Variants in CACNB4 observed in about 807,000 individuals in gnomAD.
CACNB4 encodes the protein calcium voltage-gated channel auxiliary subunit beta 4, also known as voltage-dependent L-type calcium channel subunit beta-4.
Under a neutral mutation model 71.2 loss-of-function variants are expected in CACNB4, and 32 were observed. That is an observed-to-expected ratio of 0.45 (90% CI 0.34 to 0.60). CACNB4 has a LOEUF of 0.60. CACNB4 is among the 20% of genes least tolerant of loss of function. The pLI, the probability that CACNB4 is intolerant of heterozygous loss-of-function variation, is 0.01. For missense variants in CACNB4, 464 were observed against 647.9 expected (o/e 0.72, Z 3.08); for synonymous variants, 231 against 236.9 (o/e 0.97, Z 0.23).
intron 2 of CACNB4, among the ~76,000 whole-genome samples, chr2:152,010,909 G>A (rs535831562): frequency 2.0e-5 from 3 of 152,194 alleles, no homozygotes; most frequent in Non-Finnish European, 4.4e-5. Context: ...TTTCCTGTAA[G>A]AGATGGTGAG....
At chr2:151,882,560 T>C (rs1197579854) in intron 3 of CACNB4, among the ~76,000 whole-genome samples, 1 of 152,148 alleles carries the variant, frequency 6.6e-6, no homozygotes, top group East Asian at 1.9e-4. Flanking sequence ...AAAAGGGTCG[T>C]GCTTCAAAAA....
Position 152,064,582 on chromosome 2 carries a change from C to T in CACNB4, c.147+33748G>A, listed in dbSNP as rs565663010. 1.2e-4 allele frequency among the ~76,000 whole-genome samples: 18 copies of T among 152,164 alleles called. No homozygotes were observed. The South Asian group carries it at 3.7e-3, about 32-fold the overall frequency. On this transcript the variant is annotated intron_variant, in intron 2 of 13. Coordinates refer to ENST00000539935, the MANE Select transcript of CACNB4 (RefSeq NM_000726.5). ...TTTTTTAGTAGAGACAGGGTTTCAC[C>T]ATGTTGGCCAGGCTAGTCTCAAACT...
chr2:152,052,783 C>T lies in CACNB4; in HGVS notation c.147+45547G>A, dbSNP rs567256604. ...TCCCAAGGTCTGGAATTCAAGACTA[C>T]CCTGGCCAACATAGTAAAACCCCAT... On this transcript the variant is annotated intron_variant, in intron 2 of 13. Coordinates refer to ENST00000539935, the MANE Select transcript of CACNB4 (RefSeq NM_000726.5). Among the ~76,000 whole-genome samples the T allele has an allele frequency of 6.6e-5, 10 of 152,002 alleles. No individual in the cohort carries two copies. The East Asian group carries it at 1.9e-3, about 30-fold the overall frequency.
chr2:151,883,176 G>A, intron 3 of CACNB4, 75 bp downstream of exon 3: 1 of 1,433,828 alleles, frequency 7.0e-7, no homozygotes, highest in South Asian at 1.1e-5. Context: ...CCAGAAATGT[G>A]AGGTAAGGGA....
intron 2 of CACNB4, among the ~76,000 whole-genome samples, chr2:151,892,233 G>A (rs950414048): frequency 6.6e-6 from 1 of 152,094 alleles, no homozygotes; most frequent in Non-Finnish European, 1.5e-5. Context: ...CCCCAGAGTG[G>A]TTTACAAAGC....
chr2:151,864,186 C>T (rs1336561335), intron 9 of CACNB4, among the ~76,000 whole-genome samples: 1 of 152,112 alleles, frequency 6.6e-6, no homozygotes, highest in Non-Finnish European at 1.5e-5. Context: ...TAAAAAGTTC[C>T]CTTGGAAAAC....
At chr2:151,903,041 T>C (rs943671594) in intron 2 of CACNB4, among the ~76,000 whole-genome samples, 4 of 152,234 alleles carry the variant, frequency 2.6e-5, no homozygotes, top group African/African-American at 9.6e-5. Flanking sequence ...AGTACTTTAC[T>C]GTGCTATGTG....
chr2:151,882,104 C>T (rs1335943409), intron 3 of CACNB4, among the ~76,000 whole-genome samples: 2 of 147,954 alleles, frequency 1.4e-5, no homozygotes, highest in African/African-American at 4.9e-5. Context: ...TGGTCTCTAA[C>T]TCCTGACCTC....
At chr2:151,865,233 A>G (rs1371272153) in intron 9 of CACNB4, among the ~76,000 whole-genome samples, 2 of 152,076 alleles carry the variant, frequency 1.3e-5, no homozygotes, top group African/African-American at 4.8e-5. Flanking sequence ...AATTGTTCCC[A>G]TTTCTTTTTA....
intron 4 of CACNB4, 182 bp downstream of exon 4, chr2:151,880,618 C>T (rs2099847590): frequency 9.5e-6 from 6 of 633,882 alleles, no homozygotes; most frequent in Non-Finnish European, 5.5e-6. Flanking sequence ...TGTGATAATG[C>T]AAGCAATGAT....
At chr2:151,904,327 T>C (rs1310361301) in intron 2 of CACNB4, among the ~76,000 whole-genome samples, 1 of 152,230 alleles carries the variant, frequency 6.6e-6, no homozygotes, top group Non-Finnish European at 1.5e-5. Flanking sequence ...AGTAAATAAC[T>C]GTCCTGTTAT....
chr2:151,853,032 A>G (rs1578466336), intron 12 of CACNB4: 1 of 167,316 alleles, frequency 6.0e-6, no homozygotes, highest in Non-Finnish European at 1.3e-5. Flanking sequence ...TCTAGTTCCA[A>G]TCAATTCTTG....
At chr2:151,865,753 G>GTTTTTTTTCTTTTTCTTT (rs2099842916) in intron 9 of CACNB4, 1 of 148,118 alleles carries the variant, frequency 6.8e-6, no homozygotes, top group African/African-American at 2.5e-5. Context: ...GAACTGTTTA[G>GTTTTTTTTCTTTTTCTTT]TATTGTGTTT....
intron 2 of CACNB4, among the ~76,000 whole-genome samples, chr2:152,054,565 T>C (rs1345434411): frequency 6.6e-6 from 1 of 152,182 alleles, no homozygotes; most frequent in East Asian, 1.9e-4. Flanking sequence ...TGTGGACACA[T>C]GCCTTCATTT....
intron 10 of CACNB4, among the ~76,000 whole-genome samples, chr2:151,856,241 A>G (rs1311871634): frequency 1.3e-5 from 2 of 151,276 alleles, no homozygotes; most frequent in African/African-American, 4.9e-5. Flanking sequence ...ATATTTTATA[A>G]ATTACCTGAC....
intron 2 of CACNB4, among the ~76,000 whole-genome samples, chr2:151,922,775 A>C (rs2099859295): frequency 6.6e-6 from 1 of 152,190 alleles, no homozygotes; most frequent in Non-Finnish European, 1.5e-5. Flanking sequence ...AGCTGGTAAA[A>C]CTCACAAATC....
At chr2:151,850,830 T>C (rs2099838886) in intron 12 of CACNB4, 1 of 152,214 alleles carries the variant, frequency 6.6e-6, no homozygotes, top group East Asian at 1.9e-4. Flanking sequence ...AGGATTATTT[T>C]CCCATAACAC....
rs1043635124 is a variant in CACNB4, at chr2:152,054,290, C to T, written c.147+44040G>A. Reference sequence around the variant, plus strand: ...CTGAGGCAGGAGAATGGCGTGAACCCGGGAGGCGGAGCTTGCAGTGAGCCG... The same window carrying T: ...CTGAGGCAGGAGAATGGCGTGAACCTGGGAGGCGGAGCTTGCAGTGAGCCG... On this transcript the variant is annotated intron_variant, in intron 2 of 13. Coordinates refer to ENST00000539935, the MANE Select transcript of CACNB4 (RefSeq NM_000726.5). 2.7e-5 allele frequency among the ~76,000 whole-genome samples: 4 copies of T among 147,652 alleles called. No homozygotes were observed. In the South Asian group the frequency reaches 6.5e-4, roughly 24 times the overall value.
At chr2:151,844,785 T>G (rs1402772741) in intron 12 of CACNB4, among the ~76,000 whole-genome samples, 1 of 152,230 alleles carries the variant, frequency 6.6e-6, no homozygotes, top group Non-Finnish European at 1.5e-5. Context: ...AAAGGACCAG[T>G]CTTTCCGCCA....
Sources: allele counts gnomAD v4.1 joint callset (sites outside exome capture counted in the v4.1 genomes callset), GRCh38; gene constraint gnomAD v4.1.1; transcripts MANE v1.5; gene names NCBI Gene and HGNC (gene_info 2026-07-23, HGNC 2026-07-21).